The following WWP2 variants were observed in gnomAD, a reference collection of about 807,000 sequenced individuals.
The protein encoded by WWP2 is WW domain containing E3 ubiquitin protein ligase 2.
In WWP2, 57 loss-of-function variants were observed where a neutral mutation model predicts 121.0. That is an observed-to-expected ratio of 0.47 (90% CI 0.38 to 0.59). The LOEUF (loss-of-function observed/expected upper bound fraction) is 0.59, where lower values mean the gene tolerates loss of function less well. Among genes scored for constraint, WWP2 ranks in the 20% least tolerant of loss-of-function variants. The probability of loss-of-function intolerance (pLI) is 0.00; values close to 1 mark genes in which losing one functional copy is unlikely to be tolerated. For synonymous variants in WWP2, 449 were observed against 441.3 expected, an observed-to-expected ratio of 1.02 and a Z score of -0.22; for missense variants, 962 against 1,158.9, an observed-to-expected ratio of 0.83 and a Z score of 2.47.
At chr16:69,920,825 T>A (rs2058550711) in intron 10 of WWP2, among the ~76,000 whole-genome samples, 1 of 152,142 alleles carries the variant, frequency 6.6e-6, no homozygotes, top group Admixed American at 6.5e-5. Flanking sequence ...AAAGCAATTT[T>A]TTTTTCCCTT....
chr16:69,939,979 G>C lies in WWP2; in HGVS notation c.*39G>C, dbSNP rs956278339. On this transcript the variant is annotated 3_prime_UTR_variant, in exon 24 of 24. Coordinates refer to ENST00000359154, the MANE Select transcript of WWP2 (RefSeq NM_001270454.2). ...TCCCACGCCCCCCAGCGCACATGTA[G>C]TCCTGAGTCCTCCCTGCCTGAGAGG... 3 of 1,553,638 alleles carry C rather than the reference G, an allele frequency of 1.9e-6. No individual in the cohort carries two copies. Among genetic ancestry groups the C allele is most frequent in the Admixed American group, 3.6e-5 (2 of 55,744 alleles).
rs759653665 is a variant in WWP2 at position 69,939,099 on chromosome 16, G to T, written c.2416G>T (p.Val806Phe). 5 of 1,604,314 alleles carry T rather than the reference G, an allele frequency of 3.1e-6. No individual in the cohort carries two copies. In the Admixed American group the frequency reaches 8.5e-5, roughly 27 times the overall value. Residue 806 changes from valine (V) to phenylalanine (F), a missense_variant, in exon 22 of 24, where the codon GTC becomes TTC. Around this residue, in one of 3 missense-constraint regions of WWP2, gnomAD observed 606 missense variants for 772.6 expected, o/e 0.78. Transcript: ENST00000359154. ...QFVTGTCRLP[V>F]GGFAELIGSN... ...TGTCACCGGTACCTGCCGCCTGCCCGTCGGGGGATTTGCCGAACTCATCGG... is the reference window on the plus strand; with the variant it reads ...TGTCACCGGTACCTGCCGCCTGCCCTTCGGGGGATTTGCCGAACTCATCGG...
At position 69,931,516 on chromosome 16, in the gene WWP2, C is replaced by T. The variant is rs1175703711; in HGVS notation, c.1529C>T (p.Ala510Val). 6.2e-7 allele frequency: 1 copy of T among 1,613,452 alleles called. No individual in the cohort carries two copies. The highest frequency in any genetic ancestry group is 1.3e-5 in the African/African-American group (1 of 74,794). The change falls in exon 15 of 24, where the codon GCC becomes GTC. Residue 510 changes from alanine (A) to valine (V), a missense_variant. Ala to Val is a moderately conservative substitution (Grantham distance 64, BLOSUM62 0). This residue lies in a region of WWP2 where 606 missense variants were observed against 772.6 expected (regional missense o/e 0.78). Transcript: ENST00000359154. ...TTCTTTTTTTTTTTTCAGTCAAATG[C>T]CCTACCTAGCCACGTGAAGATCAGC... ...HQFRFLCHSN[A>V]LPSHVKISVS...
At chr16:69,909,193 G>A in intron 9 of WWP2, 1 of 1,020,904 alleles carries the variant, frequency 9.8e-7, no homozygotes, top group Non-Finnish European at 1.2e-6. Flanking sequence ...CAAAACCAAA[G>A]GATGAGAGAG....
At chr16:69,919,548 T>C (rs961952088) in intron 10 of WWP2, among the ~76,000 whole-genome samples, 1 of 152,214 alleles carries the variant, frequency 6.6e-6, no homozygotes, top group Admixed American at 6.5e-5. Flanking sequence ...ACCGTGTCCC[T>C]GTGGGAACCC....
chr16:69,919,854 A>G (rs898568046), intron 10 of WWP2, among the ~76,000 whole-genome samples: 2 of 146,550 alleles, frequency 1.4e-5, no homozygotes, highest in Non-Finnish European at 3.0e-5. Flanking sequence ...GTGCAGTGGC[A>G]TGATCATGGC....
Position 69,880,284 on chromosome 16 carries a change from G to A in WWP2, c.704-7755G>A, listed in dbSNP as rs150501870. Reference sequence around the variant, plus strand: ...ATTTTTTACTGTGATTTTTTTTTTAGTGTTGATCACTTTTAACATTCTTAC... The same window carrying A: ...ATTTTTTACTGTGATTTTTTTTTTAATGTTGATCACTTTTAACATTCTTAC... On this transcript the variant is annotated intron_variant, in intron 7 of 23. Coordinates refer to ENST00000359154, the MANE Select transcript of WWP2 (RefSeq NM_001270454.2). Among the ~76,000 whole-genome samples the A allele has an allele frequency of 1.9e-4, 28 of 151,106 alleles. 1 individual carries two copies. In the East Asian group the frequency reaches 5.2e-3, roughly 28 times the overall value.
chr16:69,812,902 G>A (rs1421265238), intron 4 of WWP2, among the ~76,000 whole-genome samples: 3 of 152,058 alleles, frequency 2.0e-5, no homozygotes, highest in East Asian at 1.9e-4. Flanking sequence ...TATAATTTAC[G>A]GGGAGGTACT....
Position 69,917,460 on chromosome 16 carries a change from A to C in WWP2, c.1005-249A>C, listed in dbSNP as rs1270161312. ...CACTTCTGGTCCAGGCAACCATGCA[A>C]CTCTGAGGTTGGGAACAGAGTCAGC... On this transcript the variant is annotated intron_variant, in intron 9 of 23. Coordinates refer to ENST00000359154, the MANE Select transcript of WWP2 (RefSeq NM_001270454.2). The C allele has an allele frequency of 7.2e-6, 3 of 416,456 alleles. No individual in the cohort carries two copies. The South Asian group carries it at 1.6e-4, about 22-fold the overall frequency. The allele number at this position is 416,456 out of a possible 1,614,324, so 25.8% of individuals were successfully genotyped here. A position where few individuals can be genotyped will look rare whatever the true frequency, so the allele number is the denominator to read the frequency against.
chr16:69,869,182 G>A (rs1244632760), intron 6 of WWP2, among the ~76,000 whole-genome samples: 1 of 151,948 alleles, frequency 6.6e-6, no homozygotes, highest in Non-Finnish European at 1.5e-5. Context: ...GCCACTGTGT[G>A]CGGCCAACAG....
intron 8 of WWP2, among the ~76,000 whole-genome samples, chr16:69,908,297 C>T (rs1445770750): frequency 6.6e-6 from 1 of 151,870 alleles, no homozygotes; most frequent in South Asian, 2.1e-4. Flanking sequence ...GTTGGGTAGA[C>T]GAAAAAGCCT....
intron 1 of WWP2, among the ~76,000 whole-genome samples, chr16:69,784,091 C>CTTTTTTTTTTTTTTTTTT (rs61650147): frequency 1.5e-4 from 9 of 60,876 alleles, no homozygotes; most frequent in African/African-American, 3.4e-4. Flanking sequence ...TTCTTTCTTT[C>CTTTTTTTTTTTTTTTTTT]TTTTTTTTTT....
chr16:69,857,126 CAG>C (rs1326870881), intron 6 of WWP2, among the ~76,000 whole-genome samples: 3 of 151,858 alleles, frequency 2.0e-5, no homozygotes, highest in African/African-American at 7.3e-5. Flanking sequence ...TTTTTTGAGA[CAG>C]AGTCTCACTC....
chr16:69,790,996 TA>T (rs536979360), intron 2 of WWP2, among the ~76,000 whole-genome samples: 3 of 152,236 alleles, frequency 2.0e-5, no homozygotes, highest in Non-Finnish European at 4.4e-5. Flanking sequence ...TGAAATATTT[TA>T]ATTATATTTC....
intron 9 of WWP2, among the ~76,000 whole-genome samples, chr16:69,912,419 G>A (rs1355285403): frequency 6.8e-6 from 1 of 147,096 alleles, no homozygotes; most frequent in Admixed American, 6.8e-5. Flanking sequence ...ACAGCCTCAT[G>A]ACTGCCTCTG....
chr16:69,838,923 T>A, intron 4 of WWP2: 1 of 982,250 alleles, frequency 1.0e-6, no homozygotes, highest in African/African-American at 1.8e-5. Flanking sequence ...AATAGATCTT[T>A]GACTTGATCC....
intron 4 of WWP2, among the ~76,000 whole-genome samples, chr16:69,812,476 CCTT>C (rs2056413201): frequency 7.9e-6 from 1 of 125,804 alleles, no homozygotes; most frequent in Non-Finnish European, 1.6e-5. Context: ...CAACCCCCCC[CCTT>C]TTTTTTTTTT....
At chr16:69,895,054 G>A (rs1349731581) in intron 8 of WWP2, 2 of 152,130 alleles carry the variant, frequency 1.3e-5, no homozygotes, top group African/African-American at 4.8e-5. Context: ...TGGATCTTTC[G>A]GATTTGCCAT....
rs755200869 is a variant in WWP2 at position 69,934,166 on chromosome 16, C to T, written c.1842+37C>T. ...CCAGGGGTCTGCCTAGTTCCCTCCT[C>T]CTCTCCCTCCTCTTCCCTCTCCTGG... On this transcript the variant is annotated intron_variant, in intron 17 of 23. Transcript: ENST00000359154. 9 of 1,606,668 alleles carry T rather than the reference C, an allele frequency of 5.6e-6. No homozygotes were observed. In the East Asian group the frequency reaches 1.8e-4, roughly 32 times the overall value.
Sources: gnomAD v4.1 joint callset for allele counts (sites outside exome capture counted in the v4.1 genomes callset) on GRCh38, gnomAD v4.1.1 for gene constraint, gnomAD v4.1.1 regional missense constraint, MANE v1.5 for transcripts, NCBI Gene and HGNC (gene_info 2026-07-23, HGNC 2026-07-21) for gene names.